The following CNTN5 variants were observed in gnomAD, a reference collection of about 807,000 sequenced individuals.
The protein encoded by CNTN5 is contactin-5.
CNTN5 carries 77 observed loss-of-function variants against 129.1 expected under a neutral mutation model. The observed-to-expected ratio is 0.60, with a 90% CI of 0.50 to 0.72. The LOEUF (loss-of-function observed/expected upper bound fraction) is 0.72, where lower values mean the gene tolerates loss of function less well. CNTN5 is among the 30% of genes least tolerant of loss of function. CNTN5 has a pLI of 0.00. For synonymous variants in CNTN5, 509 were observed against 465.6 expected (o/e 1.09, Z -1.20); for missense variants, 1,478 against 1,328.8 (o/e 1.11, Z -1.75).
At chr11:99,363,865 A>T (rs1012547139) in intron 2 of CNTN5, among the ~76,000 whole-genome samples, 6 of 152,136 alleles carry the variant, frequency 3.9e-5, no homozygotes, top group Non-Finnish European at 7.4e-5. Flanking sequence ...TTGCTGTGTT[A>T]TCTTGACGCT....
At chr11:100,154,560 A>G (rs1947172626) in intron 13 of CNTN5, among the ~76,000 whole-genome samples, 1 of 152,130 alleles carries the variant, frequency 6.6e-6, no homozygotes, top group African/African-American at 2.4e-5. Context: ...GCTGGGTCAA[A>G]TGGTATTTCT....
At chr11:99,292,003 G>A (rs1447494034) in intron 1 of CNTN5, among the ~76,000 whole-genome samples, 1 of 152,020 alleles carries the variant, frequency 6.6e-6, no homozygotes, top group Non-Finnish European at 1.5e-5. Flanking sequence ...TAACAAAGTT[G>A]ATGGTTAACT....
At chr11:100,172,975 A>G (rs1402906497) in intron 13 of CNTN5, among the ~76,000 whole-genome samples, 1 of 152,128 alleles carries the variant, frequency 6.6e-6, no homozygotes, top group Non-Finnish European at 1.5e-5. Flanking sequence ...GCAGAATTGC[A>G]GTAACATAGA....
At chr11:99,520,388 G>A (rs1388100238) in intron 2 of CNTN5, among the ~76,000 whole-genome samples, 1 of 151,950 alleles carries the variant, frequency 6.6e-6, no homozygotes, top group African/African-American at 2.4e-5. Flanking sequence ...GTGATACTAA[G>A]GTAAACTTAC....
intron 24 of CNTN5, among the ~76,000 whole-genome samples, chr11:100,354,515 C>T (rs1565447771): frequency 6.6e-6 from 1 of 151,672 alleles, no homozygotes; most frequent in Non-Finnish European, 1.5e-5. Flanking sequence ...AGAATTTAAG[C>T]TCACTCAACT....
At chr11:100,128,742 T>A (rs1002259896) in intron 13 of CNTN5, among the ~76,000 whole-genome samples, 4 of 152,190 alleles carry the variant, frequency 2.6e-5, no homozygotes, top group African/African-American at 9.6e-5. Flanking sequence ...TGTTCCTTCT[T>A]GCCTCAGAGA....
intron 18 of CNTN5, among the ~76,000 whole-genome samples, chr11:100,273,869 C>G (rs1240698549): frequency 6.6e-6 from 1 of 152,154 alleles, no homozygotes; most frequent in Admixed American, 6.5e-5. Context: ...ACTACTAAAA[C>G]TATTTTAAAA....
intron 3 of CNTN5, among the ~76,000 whole-genome samples, chr11:99,747,607 C>A (rs1057149561): frequency 6.6e-6 from 1 of 151,772 alleles, no homozygotes; most frequent in East Asian, 1.9e-4. Flanking sequence ...GTAGGTGGGA[C>A]TACAGGCGCC....
At chr11:99,543,709 G>A (rs1035998225) in intron 2 of CNTN5, among the ~76,000 whole-genome samples, 1 of 152,104 alleles carries the variant, frequency 6.6e-6, no homozygotes, top group Admixed American at 6.5e-5. Flanking sequence ...CCTGAGGTCA[G>A]GAGTTCAAGA....
intron 2 of CNTN5, among the ~76,000 whole-genome samples, chr11:99,338,072 A>G (rs1230316453): frequency 6.6e-6 from 1 of 152,302 alleles, no homozygotes; most frequent in South Asian, 2.1e-4. Context: ...ATTTTTCTAT[A>G]TATGTCTTTT....
chr11:99,459,474 A>C (rs561417203), intron 2 of CNTN5, among the ~76,000 whole-genome samples: 1 of 152,156 alleles, frequency 6.6e-6, no homozygotes, highest in Non-Finnish European at 1.5e-5. Context: ...CATTATTAGA[A>C]TATGCCATTA....
chr11:99,488,465 T>C (rs1177477127), intron 2 of CNTN5, among the ~76,000 whole-genome samples: 4 of 152,038 alleles, frequency 2.6e-5, no homozygotes, highest in African/African-American at 9.7e-5. Flanking sequence ...GCCACCATTT[T>C]TAAGAACTTC....
intron 1 of CNTN5, among the ~76,000 whole-genome samples, chr11:99,148,186 C>A (rs894432706): frequency 6.6e-6 from 1 of 151,950 alleles, no homozygotes; most frequent in African/African-American, 2.4e-5. Flanking sequence ...TAAAAAGGGC[C>A]TTTTAAAATA....
At chr11:99,461,208 C>T (rs910924851) in intron 2 of CNTN5, among the ~76,000 whole-genome samples, 6 of 151,828 alleles carry the variant, frequency 4.0e-5, no homozygotes, top group African/African-American at 1.5e-4. Context: ...GACTGGGATT[C>T]GGGGAAGGTA....
intron 8 of CNTN5, among the ~76,000 whole-genome samples, chr11:100,000,123 A>G (rs552667135): frequency 3.2e-4 from 48 of 152,086 alleles, no homozygotes; most frequent in Admixed American, 6.5e-4. Context: ...TAACCTGCAC[A>G]TTGTGCACAT....
At chr11:99,086,885 C>T (rs1866029008) in intron 1 of CNTN5, among the ~76,000 whole-genome samples, 1 of 152,060 alleles carries the variant, frequency 6.6e-6, no homozygotes, top group South Asian at 2.1e-4. Context: ...TATAGCTTCC[C>T]ACTCTTTTAC....
chr11:100,187,083 T>A (rs752466247), intron 13 of CNTN5, among the ~76,000 whole-genome samples: 2 of 152,210 alleles, frequency 1.3e-5, no homozygotes, highest in Non-Finnish European at 2.9e-5. Context: ...AGCAGTGTTT[T>A]ATAGTTCTCC....
intron 3 of CNTN5, among the ~76,000 whole-genome samples, chr11:99,674,758 C>T (rs898647726): frequency 2.6e-5 from 4 of 152,150 alleles, no homozygotes; most frequent in African/African-American, 9.7e-5. Context: ...AGATAAGATG[C>T]TTTCTAAAGA....
At chr11:100,057,745 G>A (rs961045243) in intron 9 of CNTN5, among the ~76,000 whole-genome samples, 9 of 151,906 alleles carry the variant, frequency 5.9e-5, no homozygotes, top group East Asian at 1.9e-4. Flanking sequence ...CTGAAGGTCC[G>A]TGCTCCTAAC....
Sources: gnomAD v4.1 joint callset for allele counts (sites outside exome capture counted in the v4.1 genomes callset) on GRCh38, gnomAD v4.1.1 for gene constraint, MANE v1.5 for transcripts, NCBI Gene and HGNC (gene_info 2026-07-23, HGNC 2026-07-21) for gene names.